RNF213: variants seen among roughly 807,000 people sequenced by gnomAD.
RNF213 encodes E3 ubiquitin-protein ligase RNF213.
RNF213 carries 341 observed loss-of-function variants against 514.4 expected under a neutral mutation model. That is an observed-to-expected ratio of 0.66 (90% CI 0.61 to 0.73). The LOEUF (loss-of-function observed/expected upper bound fraction) is 0.73. Ranked by LOEUF, RNF213 falls within the 30% of genes least tolerant of loss-of-function variation. The pLI, the probability that RNF213 is intolerant of heterozygous loss-of-function variation, is 0.00. For synonymous variants in RNF213, 2,655 were observed against 2,658.2 expected (o/e 1.00, Z 0.04); for missense variants, 5,767 against 6,615.6 (o/e 0.87, Z 4.45).
chr17:80,327,198 A>G (rs914426508), intron 18 of RNF213, among the ~76,000 whole-genome samples: 3 of 152,200 alleles, frequency 2.0e-5, no homozygotes, highest in African/African-American at 4.8e-5. Flanking sequence ...TGTGTATTCT[A>G]TTTAAAAAAT....
rs577401417 is a variant in RNF213 at position 80,270,730 on chromosome 17, A to G, written c.98-2511A>G. Among the ~76,000 whole-genome samples, 5 of 152,246 alleles carry G rather than the reference A, an allele frequency of 3.3e-5. No homozygotes were observed. The East Asian group carries it at 7.7e-4, about 23-fold the overall frequency. On this transcript the variant is annotated intron_variant, in intron 2 of 67. Coordinates refer to ENST00000582970, the MANE Select transcript of RNF213 (RefSeq NM_001256071.3). ...GTCCTTATGATTGTTGGGACTGTTT[A>G]TACTGGGAACAGCCTGAAACCCAGC...
At position 80,263,552 on chromosome 17, in the gene RNF213, T is replaced by G. The variant is rs2043499607; in HGVS notation, c.-108-22T>G. The G allele has an allele frequency of 1.3e-6, 1 of 796,456 alleles. No individual in the cohort carries two copies. Among genetic ancestry groups the G allele is most frequent in the South Asian group, 1.4e-5 (1 of 71,276 alleles). The allele number at this position is 796,456 out of a possible 1,614,324, so 49.3% of individuals were successfully genotyped here. A position where few individuals can be genotyped will look rare whatever the true frequency, so the allele number is the denominator to read the frequency against. ...CCATTAACCAGGGGACCAGCTGGGC[T>G]GCTGTGATTTCACTTTCGCAGAAAA... On this transcript the variant is annotated intron_variant, in intron 1 of 67. Coordinates refer to ENST00000582970, the MANE Select transcript of RNF213 (RefSeq NM_001256071.3). The surrounding 1 kb of genome is among the most constrained non-coding windows in gnomAD (Gnocchi z 4.9).
At chr17:80,322,839 T>C (rs2046183068) in intron 17 of RNF213, among the ~76,000 whole-genome samples, 1 of 152,244 alleles carries the variant, frequency 6.6e-6, no homozygotes, top group Non-Finnish European at 1.5e-5. Flanking sequence ...TGTTGTTTTT[T>C]CACATTCTTA....
At position 80,348,044 on chromosome 17, in the gene RNF213, C is replaced by A; in HGVS notation, c.9709C>A (p.Gln3237Lys). ...TGTGGTGCTGCAGGTCATAGAGAGGCAGGGTCCCCGGGCCTTGACGGAGGA... is the reference window on the plus strand; with the variant it reads ...TGTGGTGCTGCAGGTCATAGAGAGGAAGGGTCCCCGGGCCTTGACGGAGGA... Reference protein sequence around the residue: ...ASVVLQVIERQGPRALTEELH... With the variant: ...ASVVLQVIERKGPRALTEELH... The change falls in exon 29 of 68, where the codon CAG (glutamine) becomes AAG (lysine). Residue 3237 changes from glutamine to lysine, a missense_variant. Physicochemically the swap from Gln to Lys is moderately conservative, Grantham distance 53 (BLOSUM62 1). Around this residue, in one of 13 missense-constraint regions of RNF213, gnomAD observed 919 missense variants for 1,121.0 expected, o/e 0.82. Coordinates refer to ENST00000582970, the MANE Select transcript of RNF213 (RefSeq NM_001256071.3). 6.2e-7 allele frequency: 1 copy of A among 1,614,196 alleles called. No homozygotes were observed. The highest frequency in any genetic ancestry group is 8.5e-7 in the Non-Finnish European group (1 of 1,180,044).
intron 59 of RNF213, among the ~76,000 whole-genome samples, chr17:80,384,508 T>A (rs2080155731): frequency 6.6e-6 from 1 of 152,234 alleles, no homozygotes; most frequent in Non-Finnish European, 1.5e-5. Flanking sequence ...TTATTTGCTG[T>A]CTAGCAAGGA....
In RNF213 at chr17:80,347,207, A is replaced by G. The variant is rs757434448; in HGVS notation, c.8872A>G (p.Ser2958Gly). The change falls in exon 29 of 68, where the codon AGC (serine) becomes GGC (glycine). Residue 2958 changes from serine to glycine, a missense_variant. Around this residue, in one of 13 missense-constraint regions of RNF213, gnomAD observed 919 missense variants for 1,121.0 expected, o/e 0.82. Transcript: ENST00000582970. This position sits in a 1 kb window ranked among gnomAD's most constrained non-coding sequence, Gnocchi z 7.2. ...KEFFGLRDYY[S>G]LIKMVFAAAK... ...ATTCTTCGGGCTTCGTGACTACTAC[A>G]GCCTCATCAAAATGGTCTTTGCTGC... 3.1e-6 allele frequency: 5 copies of G among 1,613,486 alleles called. No homozygotes were observed. The highest frequency in any genetic ancestry group is 3.4e-6 in the Non-Finnish European group (4 of 1,179,866).
In RNF213 at chr17:80,347,850, A is replaced by G. The variant is rs552026786; in HGVS notation, c.9515A>G (p.His3172Arg). 1.2e-6 allele frequency: 2 copies of G among 1,614,198 alleles called. No homozygotes were observed. Among genetic ancestry groups the G allele is most frequent in the South Asian group, 2.2e-5 (2 of 91,082 alleles). ...CCCCTCATTAACCGGCTGGAGAAGCACTATCTGGATATCAACACGGTGCTG... is the reference window on the plus strand; with the variant it reads ...CCCCTCATTAACCGGCTGGAGAAGCGCTATCTGGATATCAACACGGTGCTG... ...PIPLINRLEK[H>R]YLDINTVLEK... Residue 3172 changes from histidine to arginine, a missense_variant, in exon 29 of 68, where the codon CAC (histidine) becomes CGC (arginine). Transcript: ENST00000582970. This position sits in a 1 kb window ranked among gnomAD's most constrained non-coding sequence, Gnocchi z 7.2.
chr17:80,382,963 TGGAGTTTTTTTGTAGGGCTTTTAA>T lies in RNF213; in HGVS notation c.13979-15_13987del, dbSNP rs747501707. On this transcript the variant is annotated splice_acceptor_variant and splice_polypyrimidine_tract_variant and coding_sequence_variant and intron_variant, in exon 58 of 68. Coordinates refer to ENST00000582970, the MANE Select transcript of RNF213 (RefSeq NM_001256071.3). LOFTEE classifies it high-confidence loss of function. Reference sequence around the variant, plus strand: ...TTGTGCCTTGGGTAACCTACACATTTGGAGTTTTTTTGTAGGGCTTTTAAATTTTGACACAGAATTGTCAACTAA... The same window carrying T: ...TTGTGCCTTGGGTAACCTACACATTTATTTTGACACAGAATTGTCAACTAA... The T allele has an allele frequency of 1.3e-6, 2 of 1,567,578 alleles. No homozygotes were observed. Among genetic ancestry groups the T allele is most frequent in the East Asian group, 4.5e-5 (2 of 44,652 alleles).
chr17:80,287,768 G>A, intron 3 of RNF213, 47 bp from the exon 4 acceptor site: 1 of 1,597,264 alleles, frequency 6.3e-7, no homozygotes, highest in Non-Finnish European at 8.6e-7. Context: ...ACGGGCTAGA[G>A]TAGAGTAAAT....
chr17:80,288,542 G>A lies in RNF213; in HGVS notation c.811-91G>A, dbSNP rs1000219753. 14 of 1,611,852 alleles carry A rather than the reference G, an allele frequency of 8.7e-6. No homozygotes were observed. Among genetic ancestry groups the A allele is most frequent in the African/African-American group, 1.3e-5 (1 of 74,896 alleles). On this transcript the variant is annotated intron_variant, in intron 4 of 67. Transcript: ENST00000582970. The surrounding 1 kb of genome is among the most constrained non-coding windows in gnomAD (Gnocchi z 4.9). ...GGGATGCCAGCCCACCCTGTCCCTC[G>A]GCTTGTGGCAGATGCTGCCCCTTAA...
At position 80,345,157 on chromosome 17, in the gene RNF213, GGGGAAGCACAT is replaced by G. The variant is rs1568101730; in HGVS notation, c.6825_6835del (p.Lys2276HisfsTer6). On this transcript the variant is annotated frameshift_variant, in exon 29 of 68. Coordinates refer to ENST00000582970, the MANE Select transcript of RNF213 (RefSeq NM_001256071.3). LOFTEE classifies it high-confidence loss of function. This position sits in a 1 kb window ranked among gnomAD's most constrained non-coding sequence, Gnocchi z 6.0. ...CACTCCACACCTCTGACCAAAGCCC[GGGGAAGCACAT>G]GGTCACCATGGATGGGGTTAGGGAA... 1.2e-6 allele frequency: 2 copies of G among 1,614,060 alleles called. No individual in the cohort carries two copies. The highest frequency in any genetic ancestry group is 3.3e-5 in the Admixed American group (2 of 60,018).
intron 21 of RNF213, among the ~76,000 whole-genome samples, chr17:80,333,557 G>A (rs1286616359): frequency 6.6e-6 from 1 of 151,732 alleles, no homozygotes; most frequent in Non-Finnish European, 1.5e-5. Context: ...AGCCGGGTGT[G>A]GTGTCAGGTG....
intron 49 of RNF213, among the ~76,000 whole-genome samples, chr17:80,374,167 C>CA (rs975238865): frequency 4.6e-5 from 7 of 152,214 alleles, no homozygotes; most frequent in African/African-American, 1.7e-4. Flanking sequence ...TGACTTGAGC[C>CA]ACCCGGCCTC....
chr17:80,390,344 T>G, intron 67 of RNF213, 148 bp downstream of exon 67: 1 of 889,716 alleles, frequency 1.1e-6, no homozygotes. Flanking sequence ...GAGGACTGGC[T>G]TTTTGGTTTT....
chr17:80,307,842 G>A (rs2045422843), intron 13 of RNF213, among the ~76,000 whole-genome samples: 1 of 146,522 alleles, frequency 6.8e-6, no homozygotes, highest in African/African-American at 2.6e-5. Context: ...GAGCCACCAT[G>A]CCTGGCCGTC....
intron 36 of RNF213, 126 bp downstream of exon 36, chr17:80,354,702 T>C (rs2078665764): frequency 3.2e-6 from 4 of 1,243,012 alleles, no homozygotes; most frequent in African/African-American, 1.5e-5. Flanking sequence ...CTCTCAGCCA[T>C]TCAAAGCTGT....
intron 2 of RNF213, among the ~76,000 whole-genome samples, chr17:80,269,974 A>G (rs1431818785): frequency 1.3e-5 from 2 of 152,230 alleles, no homozygotes; most frequent in Non-Finnish European, 2.9e-5. Flanking sequence ...CTGGTTGGCA[A>G]ATGACCCACA....
intron 11 of RNF213, among the ~76,000 whole-genome samples, chr17:80,305,722 C>T (rs1230786031): frequency 6.6e-6 from 1 of 151,442 alleles, no homozygotes; most frequent in Non-Finnish European, 1.5e-5. Flanking sequence ...AGTGATTCTT[C>T]TGCCTCAGCC....
rs180810620 is a variant in RNF213, at chr17:80,367,688, C to T, written c.11872-60C>T. 4.2e-4 allele frequency: 594 copies of T among 1,400,652 alleles called. 2 individuals are homozygous for T. The South Asian group carries it at 6.1e-3, about 14-fold the overall frequency. 86.8% of individuals were successfully genotyped at this position (1,400,652 alleles called of 1,614,324 possible). A position where few individuals can be genotyped will look rare whatever the true frequency, so the allele number is the denominator to read the frequency against. ...TGAATGTGGTGCTCCCTCTGTCGCC[C>T]GGCCTGGCCGCCCTCAGCCCTCCCC... On this transcript the variant is annotated intron_variant, in intron 42 of 67. Transcript: ENST00000582970.
Sources: gnomAD v4.1 joint callset for allele counts (sites outside exome capture counted in the v4.1 genomes callset) on GRCh38, gnomAD v4.1.1 for gene constraint, gnomAD v4.1.1 regional missense constraint, Gnocchi (gnomAD v3.1) non-coding constraint, MANE v1.5 for transcripts, NCBI Gene and HGNC (gene_info 2026-07-23, HGNC 2026-07-21) for gene names.